FUT8: variants seen among roughly 807,000 people sequenced by gnomAD.
The protein encoded by FUT8 is fucosyltransferase 8, also known as alpha-(1,6)-fucosyltransferase.
In FUT8, 29 loss-of-function variants were observed where a neutral mutation model predicts 71.3. The observed-to-expected ratio is 0.41, with a 90% CI of 0.30 to 0.55. The LOEUF (loss-of-function observed/expected upper bound fraction) is 0.55, where lower values mean the gene tolerates loss of function less well. Ranked by LOEUF, FUT8 falls within the 20% of genes least tolerant of loss-of-function variation. The pLI, the probability that FUT8 is intolerant of heterozygous loss-of-function variation, is 0.34. For missense variants in FUT8, 544 were observed against 702.1 expected, an observed-to-expected ratio of 0.77 and a Z score of 2.55; for synonymous variants, 254 against 239.3, an observed-to-expected ratio of 1.06 and a Z score of -0.57.
chr14:65,391,176 A>G, the FUT8 span, among the ~76,000 whole-genome samples: 1 of 151,944 alleles, frequency 6.6e-6, no homozygotes, highest in Admixed American at 6.6e-5. Context: ...TTATAATCTA[A>G]CCCCCCATAT....
intron 10 of FUT8, among the ~76,000 whole-genome samples, chr14:65,741,641 A>G (rs951061306): frequency 2.0e-5 from 3 of 152,026 alleles, no homozygotes; most frequent in Non-Finnish European, 4.4e-5. Flanking sequence ...TTAACAGTGT[A>G]TGAAGGAAAG....
In FUT8 at chr14:65,628,014, G is replaced by A. The variant is rs934763360; in HGVS notation, c.483-1478G>A. Reference sequence around the variant, plus strand: ...AAACCAAGGGTTGAGGGTGATAGGCGGGAGTGTTGGATTTTTAAGTGGGAT... The same window carrying A: ...AAACCAAGGGTTGAGGGTGATAGGCAGGAGTGTTGGATTTTTAAGTGGGAT... On this transcript the variant is annotated intron_variant, in intron 5 of 10. Coordinates refer to ENST00000673929, the MANE Select transcript of FUT8 (RefSeq NM_001371533.1). 2.0e-5 allele frequency among the ~76,000 whole-genome samples: 3 copies of A among 152,108 alleles called. No individual in the cohort carries two copies. In the South Asian group the frequency reaches 6.2e-4, roughly 32 times the overall value.
intron 6 of FUT8, among the ~76,000 whole-genome samples, chr14:65,645,135 G>A (rs376754600): frequency 2.6e-5 from 4 of 152,260 alleles, no homozygotes; most frequent in South Asian, 2.1e-4. Context: ...ATGAATGACC[G>A]TGAAAGCACC....
At chr14:65,451,379 C>T (rs1333892921) in intron 1 of FUT8, among the ~76,000 whole-genome samples, 1 of 152,260 alleles carries the variant, frequency 6.6e-6, no homozygotes, top group Non-Finnish European at 1.5e-5. Flanking sequence ...GAACTCTCTG[C>T]AGGCCCCACA....
intron 1 of FUT8, among the ~76,000 whole-genome samples, chr14:65,434,930 C>T (rs1219998593): frequency 6.6e-6 from 1 of 152,014 alleles, no homozygotes; most frequent in Admixed American, 6.6e-5. Flanking sequence ...TAATATGTAT[C>T]TACCCTCATA....
chr14:65,494,151 T>A (rs1346980150), intron 2 of FUT8, among the ~76,000 whole-genome samples: 1 of 152,182 alleles, frequency 6.6e-6, no homozygotes, highest in Non-Finnish European at 1.5e-5. Context: ...TTTTTTAACT[T>A]TTTGTTAGCT....
intron 3 of FUT8, among the ~76,000 whole-genome samples, chr14:65,584,882 T>C (rs1887291678): frequency 6.6e-6 from 1 of 152,248 alleles, no homozygotes; most frequent in African/African-American, 2.4e-5. Context: ...TCATTCAGGC[T>C]TTGTAGTCAG....
chr14:65,587,341 T>G (rs970026365), intron 3 of FUT8, among the ~76,000 whole-genome samples: 1 of 152,242 alleles, frequency 6.6e-6, no homozygotes, highest in Non-Finnish European at 1.5e-5. Flanking sequence ...AGAAATGATA[T>G]GACTTAAGTC....
At chr14:65,377,999 G>T in the FUT8 span, among the ~76,000 whole-genome samples, 3 of 152,202 alleles carry the variant, frequency 2.0e-5, no homozygotes, top group African/African-American at 4.8e-5. Context: ...GAGAAGAGAT[G>T]AGGGGCAGAG....
the FUT8 span, among the ~76,000 whole-genome samples, chr14:65,374,740 G>A: frequency 1.3e-5 from 2 of 151,296 alleles, no homozygotes; most frequent in East Asian, 1.9e-4. Flanking sequence ...GACTACAAGT[G>A]TGTGCCACCA....
At chr14:65,536,550 A>T (rs1158690962) in intron 2 of FUT8, among the ~76,000 whole-genome samples, 2 of 152,156 alleles carry the variant, frequency 1.3e-5, no homozygotes, top group African/African-American at 2.4e-5. Context: ...TGGTTGGAAT[A>T]TCATTTCTTC....
intron 2 of FUT8, among the ~76,000 whole-genome samples, chr14:65,457,673 G>T (rs1418407993): frequency 6.6e-6 from 1 of 152,162 alleles, no homozygotes; most frequent in African/African-American, 2.4e-5. Flanking sequence ...CAAGCAGGGG[G>T]TACGTGACAG....
intron 3 of FUT8, among the ~76,000 whole-genome samples, chr14:65,611,215 GCGCGCGCGCACACACACACA>G (rs1888920700): frequency 6.5e-4 from 3 of 4,614 alleles, no homozygotes; most frequent in African/African-American, 1.3e-3. Context: ...GCGCGCGCGC[GCGCGCGCGCACACACACACA>G]CACACACACA....
intron 3 of FUT8, among the ~76,000 whole-genome samples, chr14:65,610,224 A>G (rs1234204266): frequency 6.6e-6 from 1 of 151,854 alleles, no homozygotes; most frequent in Admixed American, 6.6e-5. Flanking sequence ...AGAATTTCCA[A>G]TATCGTGGTG....
rs1274266001 is a variant in FUT8, at chr14:65,563,834, G to C, written c.203+2068G>C. Among the ~76,000 whole-genome samples, 2 of 152,020 alleles carry C rather than the reference G, an allele frequency of 1.3e-5. 1 individual carries two copies. Among genetic ancestry groups the C allele is most frequent in the South Asian group, 4.2e-4 (2 of 4,816 alleles). On this transcript the variant is annotated intron_variant, in intron 3 of 10. Coordinates refer to ENST00000673929, the MANE Select transcript of FUT8 (RefSeq NM_001371533.1). ...GCAAAATAATCTTTAGGTCTATTAA[G>C]TCACTTTCTTTATATTCTTATATGT...
rs537153119 is a variant in FUT8 at position 65,668,694 on chromosome 14, A to G, written c.598-549A>G. 9.8e-5 allele frequency among the ~76,000 whole-genome samples: 15 copies of G among 152,324 alleles called. No homozygotes were observed. In the South Asian group the frequency reaches 2.7e-3, roughly 27 times the overall value. On this transcript the variant is annotated intron_variant, in intron 6 of 10. Transcript: ENST00000673929. ...CGTTTTTGGGTATATAACCAAAGGA[A>G]TATAAATCATTCTGCTATAAAGACA... is the stretch of plus-strand genomic sequence containing the variant.
At chr14:65,631,563 T>C (rs1041513182) in intron 6 of FUT8, among the ~76,000 whole-genome samples, 1 of 152,320 alleles carries the variant, frequency 6.6e-6, no homozygotes, top group South Asian at 2.1e-4. Context: ...TACTTGGACC[T>C]TACCTTCAGT....
In FUT8 at chr14:65,543,310, T is replaced by C. The variant is rs1225024387; in HGVS notation, c.-227-18027T>C. Among the ~76,000 whole-genome samples the C allele has an allele frequency of 2.0e-5, 3 of 152,346 alleles. No individual in the cohort carries two copies. The East Asian group carries it at 5.8e-4, about 29-fold the overall frequency. Reference sequence around the variant, plus strand: ...TCTTAGTTCTAATTCTTATAAGGCCTGATTTAATTTTTATTTTGCTTGGGA... The same window carrying C: ...TCTTAGTTCTAATTCTTATAAGGCCCGATTTAATTTTTATTTTGCTTGGGA... On this transcript the variant is annotated intron_variant, in intron 2 of 10. Coordinates refer to ENST00000673929, the MANE Select transcript of FUT8 (RefSeq NM_001371533.1).
rs766537677 is a variant in FUT8, at chr14:65,721,843, C to T, written c.904C>T (p.Pro302Ser). Residue 302 changes from proline (P) to serine (S), a missense_variant, in exon 8 of 11, where the codon CCA (proline) becomes TCA (serine). Coordinates refer to ENST00000673929, the MANE Select transcript of FUT8 (RefSeq NM_001371533.1). ...PIVDSLHPRPPYLPLAVPEDL... is the reference protein window; with the variant it reads ...PIVDSLHPRPSYLPLAVPEDL... ...TGTAGACAGTCTTCATCCCCGTCCTCCATATTTACCCTTGGCTGTACCAGA... is the reference window on the plus strand; with the variant it reads ...TGTAGACAGTCTTCATCCCCGTCCTTCATATTTACCCTTGGCTGTACCAGA... The T allele has an allele frequency of 1.2e-6, 2 of 1,614,206 alleles. No homozygotes were observed.
Sources: allele counts gnomAD v4.1 joint callset (sites outside exome capture counted in the v4.1 genomes callset), GRCh38; gene constraint gnomAD v4.1.1; transcripts MANE v1.5; gene names NCBI Gene and HGNC (gene_info 2026-07-23, HGNC 2026-07-21).